Variants in NPIPB15 observed in about 807,000 individuals in gnomAD.
NPIPB15 encodes the protein nuclear pore complex interacting protein family member B15.
NPIPB15 carries 5 observed loss-of-function variants against 35.9 expected under a neutral mutation model. The observed-to-expected ratio is 0.14, with a 90% confidence interval of 0.07 to 0.29. The LOEUF is 0.29. Ranked by LOEUF, NPIPB15 falls within the 10% of genes least tolerant of loss-of-function variation. The pLI, the probability that NPIPB15 is intolerant of heterozygous loss-of-function variation, is 1.00. For missense variants in NPIPB15, 100 were observed against 506.1 expected (o/e 0.20, Z 7.70); for synonymous variants, 43 against 182.0 (o/e 0.24, Z 6.15).
intron 3 of NPIPB15, among the ~76,000 whole-genome samples, chr16:74,384,879 C>G (rs1386174690): frequency 6.6e-6 from 1 of 151,648 alleles, no homozygotes; most frequent in Non-Finnish European, 1.5e-5. Flanking sequence ...CAGCATTTCT[C>G]CATGTTGGTG....
rs867740212 is a variant in NPIPB15 at position 74,376,676 on chromosome 16, C to T, written c.-693C>T. Among the ~76,000 whole-genome samples the T allele has an allele frequency of 6.6e-6, 1 of 152,138 alleles. No individual in the cohort carries two copies. Among genetic ancestry groups the T allele is most frequent in the East Asian group, 1.9e-4 (1 of 5,190 alleles). On this transcript the variant is annotated 5_prime_UTR_variant, in exon 1 of 8. Coordinates refer to ENST00000692376, the MANE Select transcript of NPIPB15 (RefSeq NM_001306094.2). ...ATGATTATAGATAAGGACATCATCA[C>T]TCGGTTTCAGATGTTAAAATGTCTA... is the stretch of plus-strand genomic sequence containing the variant.
At chr16:74,384,909 G>A (rs1189765223) in intron 3 of NPIPB15, among the ~76,000 whole-genome samples, 3 of 150,768 alleles carry the variant, frequency 2.0e-5, no homozygotes, top group East Asian at 2.0e-4. Flanking sequence ...TCAAACTCCC[G>A]ACCTCAGGTG....
intron 5 of NPIPB15, among the ~76,000 whole-genome samples, chr16:74,386,074 T>C (rs1437997599): frequency 1.5e-5 from 2 of 129,448 alleles, no homozygotes; most frequent in African/African-American, 5.7e-5. Context: ...GCTCACTGCC[T>C]TTTGGCTTCA....
At chr16:74,379,685 G>A (rs1229501684) in intron 2 of NPIPB15, among the ~76,000 whole-genome samples, 1 of 151,964 alleles carries the variant, frequency 6.6e-6, no homozygotes, top group Non-Finnish European at 1.5e-5. Flanking sequence ...TGCCTCCTGG[G>A]TTCAAGTGAT....
intron 3 of NPIPB15, among the ~76,000 whole-genome samples, chr16:74,384,668 ATTTTTTTTT>A (rs1186582416): frequency 0.022 from 1,347 of 61,454 alleles, 8 homozygotes; most frequent in East Asian, 0.073. Context: ...CACCTGGCCT[ATTTTTTTTT>A]TTTTTTTTTT....
intron 2 of NPIPB15, among the ~76,000 whole-genome samples, chr16:74,379,375 A>G (rs577572349): frequency 6.6e-5 from 10 of 152,242 alleles, no homozygotes; most frequent in African/African-American, 9.6e-5. Context: ...TTAATTCACC[A>G]TCTTGAAAGA....
At chr16:74,384,680 T>TA (rs2012166945) in intron 3 of NPIPB15, among the ~76,000 whole-genome samples, 2 of 80,364 alleles carry the variant, frequency 2.5e-5, no homozygotes, top group African/African-American at 1.2e-4. Context: ...TTTTTTTTTT[T>TA]TTTTTTTTTT....
chr16:74,391,759 T>C lies in NPIPB15; in HGVS notation c.1011T>C (p.Asp337=), dbSNP rs781271064. The C allele has an allele frequency of 6.2e-7, 1 of 1,614,018 alleles. No individual in the cohort carries two copies. The highest frequency in any genetic ancestry group is 2.2e-5 in the East Asian group (1 of 44,890). The stretch of plus-strand genomic sequence containing the variant: ...CCTCTCCTCTTCCACCCTCAGTGGA[T>C]GATAATCTCAAGACTCCTCCCTTAG... ...LPPSPLPPSV[D]DNLKTPPLAT... is the part of the protein sequence containing the mutation. Residue 337 remains aspartate (D), a synonymous_variant, in exon 8 of 8, where the codon GAT becomes GAC. Coordinates refer to ENST00000692376, the MANE Select transcript of NPIPB15 (RefSeq NM_001306094.2).
intron 1 of NPIPB15, among the ~76,000 whole-genome samples, chr16:74,377,684 C>T (rs143794815): frequency 0.089 from 13,068 of 147,382 alleles, 508 homozygotes; most frequent in East Asian, 0.12. Context: ...TAATTTGAAC[C>T]GGATCCTTTC....
chr16:74,381,400 C>G (rs1418033548), intron 2 of NPIPB15, 116 bp from the exon 3 acceptor site: 34 of 1,164,234 alleles, frequency 2.9e-5, no homozygotes, highest in African/African-American at 1.9e-4. Flanking sequence ...ACGGTGATAT[C>G]TGAGGGATGT....
chr16:74,388,863 G>T, intron 5 of NPIPB15: 1 of 958,646 alleles, frequency 1.0e-6, no homozygotes, highest in Non-Finnish European at 1.2e-6. Context: ...CCATTGGAGT[G>T]TTGTTTATAA....
chr16:74,387,998 G>T lies in NPIPB15; in HGVS notation c.546-1827G>T, dbSNP rs564675874. ...CTTGTTAAAGTCAGTCAACACCAGG[G>T]TGGATGGTTTGCCGTTGTCACCTAT... On this transcript the variant is annotated intron_variant, in intron 5 of 7. Coordinates refer to ENST00000692376, the MANE Select transcript of NPIPB15 (RefSeq NM_001306094.2). 1.1e-4 allele frequency among the ~76,000 whole-genome samples: 17 copies of T among 152,020 alleles called. No individual in the cohort carries two copies. In the East Asian group the frequency reaches 2.3e-3, roughly 21 times the overall value.
At chr16:74,389,168 C>T (rs1483443582) in intron 5 of NPIPB15, among the ~76,000 whole-genome samples, 1 of 135,430 alleles carries the variant, frequency 7.4e-6, no homozygotes, top group African/African-American at 2.8e-5. Context: ...TGTTTATAAG[C>T]CCAGCTCTTT....
At chr16:74,378,467 C>A (rs1215488401) in intron 2 of NPIPB15, among the ~76,000 whole-genome samples, 1 of 135,934 alleles carries the variant, frequency 7.4e-6, no homozygotes, top group Non-Finnish European at 1.5e-5. Flanking sequence ...CACTCTGTCG[C>A]CCAGGCTGGA....
At chr16:74,378,316 G>C (rs895900013) in intron 2 of NPIPB15, among the ~76,000 whole-genome samples, 1 of 150,860 alleles carries the variant, frequency 6.6e-6, no homozygotes, top group Non-Finnish European at 1.5e-5. Flanking sequence ...CCAGGAGCTG[G>C]ACGTTGCAGT....
chr16:74,388,712 GA>G (rs2012401899), intron 5 of NPIPB15: 1 of 963,038 alleles, frequency 1.0e-6, no homozygotes, highest in Admixed American at 6.6e-5. Flanking sequence ...CTAACCTGAG[GA>G]AACTAAGCAT....
intron 3 of NPIPB15, among the ~76,000 whole-genome samples, chr16:74,382,915 T>C (rs2012070798): frequency 2.0e-5 from 3 of 149,764 alleles, no homozygotes; most frequent in African/African-American, 7.4e-5. Flanking sequence ...GCTTTTTTTT[T>C]TTTTTTTTTT....
intron 3 of NPIPB15, among the ~76,000 whole-genome samples, chr16:74,384,306 AGAT>A (rs2012140938): frequency 1.1e-5 from 1 of 93,338 alleles, no homozygotes; most frequent in Non-Finnish European, 2.1e-5. Context: ...AATACTTATA[AGAT>A]GATAATTACC....
At position 74,379,556 on chromosome 16, in the gene NPIPB15, A is replaced by G. The variant is rs1197273183; in HGVS notation, c.66+1517A>G. ...ATCTTAGAGAAATCCCACACTATTC[A>G]TGCCATTTTCATGATCTCCACCTTG... On this transcript the variant is annotated intron_variant, in intron 2 of 7. Coordinates refer to ENST00000692376, the MANE Select transcript of NPIPB15 (RefSeq NM_001306094.2). 7.4e-5 allele frequency among the ~76,000 whole-genome samples: 11 copies of G among 149,426 alleles called. No homozygotes were observed. The East Asian group carries it at 2.2e-3, about 29-fold the overall frequency.
Sources: allele counts gnomAD v4.1 joint callset (sites outside exome capture counted in the v4.1 genomes callset), GRCh38; gene constraint gnomAD v4.1.1; transcripts MANE v1.5; gene names NCBI Gene and HGNC (gene_info 2026-07-23, HGNC 2026-07-21).